Variants in FGA observed in about 807,000 individuals in gnomAD.
FGA encodes fibrinogen alpha chain.
Under a neutral mutation model 20.3 loss-of-function variants are expected in FGA, and 20 were observed. The ratio of observed to expected loss-of-function variants is 0.99; its 90% CI spans 0.69 to 1.43. The LOEUF is 1.43. Ranked by LOEUF, FGA falls within the 40% of genes most tolerant of loss-of-function variation. The probability of loss-of-function intolerance (pLI) is 0.00; values close to 1 mark genes in which losing one functional copy is unlikely to be tolerated. For missense variants in FGA, 777 were observed against 784.7 expected (o/e 0.99, Z 0.12); for synonymous variants, 306 against 281.6 (o/e 1.09, Z -0.87).
At chr4:154,584,162 C>T (rs1327248077), downstream of FGA, 2 of 1,579,278 alleles carry the variant, frequency 1.3e-6, no homozygotes, top group South Asian at 2.2e-5. Flanking sequence ...ATGCGAACAG[C>T]CCTGAGGGAA....
downstream of FGA, chr4:154,585,219 C>T: frequency 7.6e-7 from 1 of 1,319,894 alleles, no homozygotes; most frequent in Non-Finnish European, 9.7e-7. Flanking sequence ...TAATAGCACA[C>T]ACTTTGAATA....
chr4:154,589,194 T>G (rs984835796), intron 2 of FGA, among the ~76,000 whole-genome samples: 3 of 152,196 alleles, frequency 2.0e-5, no homozygotes, highest in Non-Finnish European at 4.4e-5. Context: ...GCCACAATAC[T>G]CAGGAGCCTG....
rs1302701490 is a variant in FGA at position 154,585,729 on chromosome 4, A to ATCCCAGGGTG, written c.1690_1699dup (p.Ile567ThrfsTer6). The ATCCCAGGGTG allele has an allele frequency of 4.3e-6, 7 of 1,614,210 alleles. No homozygotes were observed. In the East Asian group the frequency reaches 1.6e-4, roughly 36 times the overall value. Reference sequence around the variant, plus strand: ...TTTACCACGGGAAGGGAATTCAGCTATCCCAGGGTGATGAGAACTGGATTC... The same window carrying ATCCCAGGGTG: ...TTTACCACGGGAAGGGAATTCAGCTATCCCAGGGTGTCCCAGGGTGATGAGAACTGGATTC... On this transcript the variant is annotated frameshift_variant, in exon 5 of 5. Coordinates refer to ENST00000403106, the MANE Select transcript of FGA (RefSeq NM_021871.4). LOFTEE classifies it low-confidence loss of function (END_TRUNC).
At chr4:154,584,475 GC>G (rs777521200), downstream of FGA, 1 of 1,614,178 alleles carries the variant, frequency 6.2e-7, no homozygotes, top group South Asian at 1.1e-5. Context: ...GGAGGGCATA[GC>G]CTTCAGCCTC....
At position 154,586,404 on chromosome 4, in the gene FGA, C is replaced by T. The variant is rs774664670; in HGVS notation, c.1025G>A (p.Gly342Glu). ...CCCAGGGTTTTGGTTTCCAGTACTT[C>T]CAGTTCCAGAGCTCCCAGAGTTCCA... ...GSWNSGSSGT[G>E]STGNQNPGSP... The change falls in exon 5 of 5, where the codon GGA (glycine) becomes GAA (glutamate). Residue 342 changes from glycine to glutamate, a missense_variant. Gly to Glu is a moderately conservative substitution (Grantham distance 98, BLOSUM62 -2). Transcript: ENST00000403106. 51 of 1,613,028 alleles carry T rather than the reference C, an allele frequency of 3.2e-5. No individual in the cohort carries two copies. The Middle Eastern group carries it at 3.1e-3, about 99-fold the overall frequency.
At chr4:154,583,826 C>G, downstream of FGA, 1 of 359,878 alleles carries the variant, frequency 2.8e-6, no homozygotes, top group Non-Finnish European at 5.1e-6. Context: ...CAATAGTCTT[C>G]AAGGTTGCAG....
chr4:154,585,830 G>A lies in FGA; in HGVS notation c.1599C>T (p.Phe533=), dbSNP rs1730695332. The change falls in exon 5 of 5, where the codon TTC becomes TTT. Residue 533 remains phenylalanine, a synonymous_variant. Transcript: ENST00000403106. ...ASTGKTFPGF[F]SPMLGEFVSE... is the part of the protein sequence containing the mutation. ...TGACAAACTCTCCTAACATAGGTGA[G>A]AAGAAACCTGGGAATGTTTTTCCAG... 2.5e-6 allele frequency: 4 copies of A among 1,614,064 alleles called. No homozygotes were observed. In the South Asian group the frequency reaches 4.4e-5, roughly 18 times the overall value.
downstream of FGA, chr4:154,584,017 C>G (rs897838246): frequency 2.0e-5 from 17 of 871,168 alleles, no homozygotes; most frequent in African/African-American, 2.4e-4. Flanking sequence ...AAAATAGCAC[C>G]TAGGAATTTT....
chr4:154,584,652 G>A, downstream of FGA: 1 of 1,614,076 alleles, frequency 6.2e-7, no homozygotes, highest in Non-Finnish European at 8.5e-7. Flanking sequence ...CTCTCTTGTA[G>A]TCTTGCCAGG....
chr4:154,584,666 G>C, downstream of FGA: 4 of 1,614,038 alleles, frequency 2.5e-6, no homozygotes, highest in Non-Finnish European at 3.4e-6. Context: ...TGCCAGGTCC[G>C]GTTAAAATTC....
At position 154,586,425 on chromosome 4, in the gene FGA, T is replaced by C; in HGVS notation, c.1004A>G (p.Asn335Ser). 1 of 1,611,490 alleles carries C rather than the reference T, an allele frequency of 6.2e-7. No homozygotes were observed. The highest frequency in any genetic ancestry group is 8.5e-7 in the Non-Finnish European group (1 of 1,178,622). Residue 335 changes from asparagine (N) to serine (S), a missense_variant, in exon 5 of 5, where the codon AAC becomes AGC. Coordinates refer to ENST00000403106, the MANE Select transcript of FGA (RefSeq NM_021871.4). The stretch of plus-strand genomic sequence containing the variant: ...ACTTCCAGTTCCAGAGCTCCCAGAG[T>C]TCCAGCTTCCAGTACTTCCAGGTCC... ...SSGPGSTGSW[N>S]SGSSGTGSTG...
At position 154,589,599 on chromosome 4, in the gene FGA, C is replaced by T. The variant is rs760470035; in HGVS notation, c.55-37G>A. The stretch of plus-strand genomic sequence containing the variant: ...CATTCACATACACAAAAGAGAGCAA[C>T]AGCAATGTTAGCCAGAAGAGGAGAC... On this transcript the variant is annotated intron_variant, in intron 1 of 4. Transcript: ENST00000403106. The T allele has an allele frequency of 1.1e-5, 17 of 1,607,826 alleles. No individual in the cohort carries two copies. The East Asian group carries it at 3.8e-4, about 36-fold the overall frequency.
chr4:154,589,989 T>C (rs755886001), intron 1 of FGA, among the ~76,000 whole-genome samples: 1 of 152,240 alleles, frequency 6.6e-6, no homozygotes, highest in Non-Finnish European at 1.5e-5. Context: ...TAGAAAAACC[T>C]AGACTATCTT....
Position 154,586,491 on chromosome 4 carries a change from G to T in FGA, c.938C>A (p.Ser313Tyr). ...GSTGNRNPGSSGTGGTATWKP... is the reference protein window; with the variant it reads ...GSTGNRNPGSYGTGGTATWKP... ...CCAGGTTGCAGTCCCTCCAGTCCCA[G>T]AGCTCCCAGGGTTTCGGTTTCCAGT... Residue 313 changes from serine (S) to tyrosine (Y), a missense_variant, in exon 5 of 5, where the codon TCT (serine) becomes TAT (tyrosine). Ser to Tyr is a moderately radical substitution (Grantham distance 144). Transcript: ENST00000403106. The T allele has an allele frequency of 6.2e-7, 1 of 1,613,932 alleles. No homozygotes were observed. Among genetic ancestry groups the T allele is most frequent in the Non-Finnish European group, 8.5e-7 (1 of 1,180,000 alleles).
chr4:154,589,044 C>T (rs947734453), intron 2 of FGA, 68 bp from the exon 3 acceptor site: 17 of 1,322,902 alleles, frequency 1.3e-5, no homozygotes, highest in Admixed American at 3.4e-5. Flanking sequence ...TTGCATGTTT[C>T]CATGCAGCCC....
At chr4:154,586,990 G>A in intron 4 of FGA, 72 bp from the exon 5 acceptor site, 1 of 1,480,232 alleles carries the variant, frequency 6.8e-7, no homozygotes, top group Non-Finnish European at 9.3e-7. Context: ...TGAGTTCCTG[G>A]TAGTTAATTT....
rs2070017 is a variant in FGA at position 154,589,124 on chromosome 4, C to T, written c.181-148G>A. ...GTAGGTAAGAGGACTAGTTAGAGGT[C>T]GCAGAGAAACTCTGGAATGAGGGTC... On this transcript the variant is annotated intron_variant, in intron 2 of 4. Transcript: ENST00000403106. The T allele has an allele frequency of 9.7e-3, 7,217 of 741,652 alleles. 384 individuals carry two copies. In the African/African-American group the frequency reaches 0.11, roughly 11 times the overall value. The allele number at this position is 741,652 out of a possible 1,614,324, so 45.9% of individuals were successfully genotyped here.
At chr4:154,588,078 G>C (rs1400718552) in intron 3 of FGA, among the ~76,000 whole-genome samples, 1 of 152,142 alleles carries the variant, frequency 6.6e-6, no homozygotes, top group African/African-American at 2.4e-5. Context: ...CCTTAATCAA[G>C]GGACTTGAAC....
chr4:154,588,850 G>A lies in FGA; in HGVS notation c.307C>T (p.His103Tyr), dbSNP rs1015772020. The part of the protein sequence containing the change: ...FEYQKNNKDS[H>Y]SLTTNIMEIL... Reference sequence around the variant, plus strand: ...TCCATTATATTAGTGGTCAACGAATGAGAATCCTTATTGTTCTTCTGATAT... The same window carrying A: ...TCCATTATATTAGTGGTCAACGAATAAGAATCCTTATTGTTCTTCTGATAT... The change falls in exon 3 of 5, where the codon CAT becomes TAT. Residue 103 changes from histidine to tyrosine, a missense_variant. Coordinates refer to ENST00000403106, the MANE Select transcript of FGA (RefSeq NM_021871.4). 1 of 1,612,268 alleles carries A rather than the reference G, an allele frequency of 6.2e-7. No homozygotes were observed. The highest frequency in any genetic ancestry group is 1.7e-5 in the Admixed American group (1 of 60,012).
Sources: allele counts gnomAD v4.1 joint callset (sites outside exome capture counted in the v4.1 genomes callset), GRCh38; gene constraint gnomAD v4.1.1; transcripts MANE v1.5; gene names NCBI Gene and HGNC (gene_info 2026-07-23, HGNC 2026-07-21).